KCNK3: variants seen among roughly 807,000 people sequenced by gnomAD.
KCNK3 encodes the protein potassium channel subfamily K member 3.
A neutral mutation model predicts 27.3 loss-of-function variants in KCNK3; 9 were observed. The observed-to-expected ratio is 0.33, with a 90% CI of 0.20 to 0.57. The LOEUF (loss-of-function observed/expected upper bound fraction) is 0.57. Among genes scored for constraint, KCNK3 ranks in the 20% least tolerant of loss-of-function variants. The pLI is 0.87. For missense variants in KCNK3, 391 were observed against 577.7 expected, an observed-to-expected ratio of 0.68 and a Z score of 3.31; for synonymous variants, 278 against 273.8, an observed-to-expected ratio of 1.02 and a Z score of -0.15.
At chr2:26,702,193 TCTCA>T (rs1436726228) in intron 1 of KCNK3, among the ~76,000 whole-genome samples, 1 of 152,160 alleles carries the variant, frequency 6.6e-6, no homozygotes, top group Non-Finnish European at 1.5e-5. Context: ...ATAGCCATCT[TCTCA>T]CTGTGTCCTC....
chr2:26,728,918 G>C lies in KCNK3; in HGVS notation c.*350G>C, dbSNP rs1317702105. Reference sequence around the variant, plus strand: ...TACCCAGACCCCCACCTTCGGAGGGGACTTCATGTTCCGTGTACGTTTGCA... The same window carrying C: ...TACCCAGACCCCCACCTTCGGAGGGCACTTCATGTTCCGTGTACGTTTGCA... On this transcript the variant is annotated 3_prime_UTR_variant, in exon 2 of 2. Coordinates refer to ENST00000302909, the MANE Select transcript of KCNK3 (RefSeq NM_002246.3). 1 of 249,482 alleles carries C rather than the reference G, an allele frequency of 4.0e-6. No individual in the cohort carries two copies. Among genetic ancestry groups the C allele is most frequent in the African/African-American group, 2.2e-5 (1 of 44,996 alleles). 15.5% of individuals were successfully genotyped at this position (249,482 alleles called of 1,614,324 possible).
chr2:26,710,828 T>C (rs1663098148), intron 1 of KCNK3, among the ~76,000 whole-genome samples: 1 of 151,964 alleles, frequency 6.6e-6, no homozygotes, highest in South Asian at 2.1e-4. Flanking sequence ...ACCACGGAGG[T>C]CCAGCCGCTC....
chr2:26,699,207 GAGAA>G (rs1553384397), intron 1 of KCNK3, among the ~76,000 whole-genome samples: 14,439 of 130,880 alleles, frequency 0.11, 864 homozygotes, highest in Admixed American at 0.14. Flanking sequence ...AGGAAAGAGA[GAGAA>G]AGAAAGAAAG....
At chr2:26,723,168 A>G (rs1409091650) in intron 1 of KCNK3, among the ~76,000 whole-genome samples, 2 of 152,214 alleles carry the variant, frequency 1.3e-5, no homozygotes, top group African/African-American at 4.8e-5. Context: ...GGCCATGACC[A>G]AGGGCTCAGA....
chr2:26,711,259 T>A (rs895650904), intron 1 of KCNK3, among the ~76,000 whole-genome samples: 1 of 152,192 alleles, frequency 6.6e-6, no homozygotes, highest in Non-Finnish European at 1.5e-5. Flanking sequence ...GTGGGATGAA[T>A]GAAAGTGACA....
rs576826493 is a variant in KCNK3, at chr2:26,697,377, T to C, written c.283+4219T>C. On this transcript the variant is annotated intron_variant, in intron 1 of 1. Transcript: ENST00000302909. ...AAAATTAGCCAGGCATGGTGGTTCA[T>C]GCCTGTAGTCCCAGCTACTCAGGAG... 2.6e-5 allele frequency among the ~76,000 whole-genome samples: 4 copies of C among 152,262 alleles called. No homozygotes were observed. In the East Asian group the frequency reaches 5.8e-4, roughly 22 times the overall value.
intron 1 of KCNK3, among the ~76,000 whole-genome samples, chr2:26,699,142 C>A (rs182054544): frequency 3.4e-5 from 5 of 147,350 alleles, no homozygotes; most frequent in Admixed American, 6.8e-5. Flanking sequence ...CGCGCCACTG[C>A]ACCCCAGCCT....
In KCNK3 at chr2:26,693,085, G is replaced by C; in HGVS notation, c.210G>C (p.Lys70Asn). The C allele has an allele frequency of 6.2e-7, 1 of 1,602,646 alleles. No individual in the cohort carries two copies. Among genetic ancestry groups the C allele is most frequent in the Non-Finnish European group, 8.5e-7 (1 of 1,175,684 alleles). The change falls in exon 1 of 2, where the codon AAG becomes AAC. Residue 70 changes from lysine to asparagine, a missense_variant. Around this residue, in one of 4 missense-constraint regions of KCNK3, gnomAD observed 158 missense variants for 267.7 expected, o/e 0.59. Coordinates refer to ENST00000302909, the MANE Select transcript of KCNK3 (RefSeq NM_002246.3). The surrounding 1 kb of genome is among the most constrained non-coding windows in gnomAD (Gnocchi z 5.5). ...TGGAGCGCGTCGTGCTGCGCCTCAA[G>C]CCGCACAAGGCCGGCGTGCAGTGGC... Reference protein sequence around the residue: ...EELERVVLRLKPHKAGVQWRF... With the variant: ...EELERVVLRLNPHKAGVQWRF...
rs746788944 is a variant in KCNK3, at chr2:26,692,959, G to A, written c.84G>A (p.Ala28=). Residue 28 remains alanine (A), a synonymous_variant, in exon 1 of 2, where the codon GCG becomes GCA. Coordinates refer to ENST00000302909, the MANE Select transcript of KCNK3 (RefSeq NM_002246.3). This position sits in a 1 kb window ranked among gnomAD's most constrained non-coding sequence, Gnocchi z 5.6. ...TGGTGGGCGCCGCGGTCTTCGACGC[G>A]CTGGAGTCGGAGCCCGAGCTGATCG... The part of the protein sequence containing the change: ...YLLVGAAVFD[A]LESEPELIER... 2 of 1,560,916 alleles carry A rather than the reference G, an allele frequency of 1.3e-6. No homozygotes were observed. Among genetic ancestry groups the A allele is most frequent in the East Asian group, 4.8e-5 (2 of 41,628 alleles).
chr2:26,732,403 T>C lies in KCNK3; in HGVS notation c.*3835T>C, dbSNP rs1016134499. On this transcript the variant is annotated 3_prime_UTR_variant, in exon 2 of 2. Coordinates refer to ENST00000302909, the MANE Select transcript of KCNK3 (RefSeq NM_002246.3). The stretch of plus-strand genomic sequence containing the variant: ...GGTTTAATACCTGCAGATTGAAATA[T>C]ACTGGAGAAATAAAGAGAGTGGGAG... 8 of 152,250 alleles carry C rather than the reference T, an allele frequency of 5.3e-5. No individual in the cohort carries two copies. Among genetic ancestry groups the C allele is most frequent in the African/African-American group, 1.9e-4 (8 of 41,462 alleles). The allele number at this position is 152,250 out of a possible 1,614,324, so 9.4% of individuals were successfully genotyped here.
In KCNK3 at chr2:26,692,781, A is replaced by T; in HGVS notation, c.-95A>T. ...GGCGCGGAGAGCGGCGAGCGCAGCC[A>T]TGCCCCAGGCCGCCTCCGGGGCAGC... On this transcript the variant is annotated 5_prime_UTR_variant, in exon 1 of 2. It removes an upstream start codon present in the reference 5' UTR. Transcript: ENST00000302909. The surrounding 1 kb of genome is among the most constrained non-coding windows in gnomAD (Gnocchi z 5.6). The T allele has an allele frequency of 1.5e-6, 1 of 659,236 alleles. No homozygotes were observed. Among genetic ancestry groups the T allele is most frequent in the Non-Finnish European group, 1.9e-6 (1 of 534,130 alleles). 40.8% of individuals were successfully genotyped at this position (659,236 alleles called of 1,614,324 possible).
intron 1 of KCNK3, among the ~76,000 whole-genome samples, chr2:26,723,464 T>G (rs1011380369): frequency 6.6e-6 from 1 of 152,226 alleles, no homozygotes; most frequent in African/African-American, 2.4e-5. Flanking sequence ...TTAGGTGGAT[T>G]CTGTGCCTCC....
At chr2:26,724,297 T>C (rs1663372757) in intron 1 of KCNK3, among the ~76,000 whole-genome samples, 2 of 152,236 alleles carry the variant, frequency 1.3e-5, no homozygotes, top group Admixed American at 1.3e-4. Context: ...TTACCACCTC[T>C]GCTGCAACTG....
chr2:26,699,795 C>T (rs564558653), intron 1 of KCNK3, among the ~76,000 whole-genome samples: 1 of 152,320 alleles, frequency 6.6e-6, no homozygotes, highest in Non-Finnish European at 1.5e-5. Context: ...CCACACTGCT[C>T]CAGGACGGCA....
chr2:26,708,571 CG>C (rs1663031640), intron 1 of KCNK3, among the ~76,000 whole-genome samples: 1 of 152,012 alleles, frequency 6.6e-6, no homozygotes, highest in East Asian at 1.9e-4. Context: ...CCCAGCTACT[CG>C]GGAGGCTGAG....
chr2:26,727,890 C>T lies in KCNK3; in HGVS notation c.507C>T (p.Ser169=). Residue 169 remains serine (S), a synonymous_variant, in exon 2 of 2, where the codon AGC becomes AGT. Transcript: ENST00000302909. ...MVLIGFFSCI[S]TLCIGAAAFS... ...TCATCGGCTTCTTCTCGTGCATCAG[C>T]ACGCTGTGCATCGGCGCCGCCGCCT... 1 of 1,614,232 alleles carries T rather than the reference C, an allele frequency of 6.2e-7. No homozygotes were observed. The highest frequency in any genetic ancestry group is 8.5e-7 in the Non-Finnish European group (1 of 1,180,044).
intron 1 of KCNK3, among the ~76,000 whole-genome samples, chr2:26,716,585 A>G (rs1410726056): frequency 2.0e-5 from 3 of 152,052 alleles, no homozygotes; most frequent in African/African-American, 7.2e-5. Context: ...CAGAACAAAG[A>G]GCACGAGCAG....
At position 26,692,918 on chromosome 2, in the gene KCNK3, A is replaced by G; in HGVS notation, c.43A>G (p.Thr15Ala). Residue 15 changes from threonine (T) to alanine (A), a missense_variant, in exon 1 of 2, where the codon ACC becomes GCC. Physicochemically the swap from Thr to Ala is moderately conservative, Grantham distance 58. This residue lies in a region of KCNK3 where 158 missense variants were observed against 267.7 expected (regional missense o/e 0.59). Transcript: ENST00000302909. This position sits in a 1 kb window ranked among gnomAD's most constrained non-coding sequence, Gnocchi z 5.6. ...NVRTLALIVCTFTYLLVGAAV... is the reference protein window; with the variant it reads ...NVRTLALIVCAFTYLLVGAAV... ...GCGCACGCTGGCGCTCATCGTGTGC[A>G]CCTTCACCTACCTGCTGGTGGGCGC... 1 of 1,526,682 alleles carries G rather than the reference A, an allele frequency of 6.6e-7. No individual in the cohort carries two copies. The allele number at this position is 1,526,682 out of a possible 1,614,324, so 94.6% of individuals were successfully genotyped here. A position where few individuals can be genotyped will look rare whatever the true frequency, so the allele number is the denominator to read the frequency against.
In KCNK3 at chr2:26,721,602, G is replaced by A. The variant is rs1401942548; in HGVS notation, c.284-6065G>A. Among the ~76,000 whole-genome samples, 1 of 152,112 alleles carries A rather than the reference G, an allele frequency of 6.6e-6. No homozygotes were observed. The highest frequency in any genetic ancestry group is 1.5e-5 in the Non-Finnish European group (1 of 68,032). On this transcript the variant is annotated intron_variant, in intron 1 of 1. Transcript: ENST00000302909. The surrounding 1 kb of genome is among the most constrained non-coding windows in gnomAD (Gnocchi z 4.3). ...GTGGGCCCTCCCCTGGGTGCCCTCTGAGCCCAGCTGCCCTCTGCCATCCAG... is the reference window on the plus strand; with the variant it reads ...GTGGGCCCTCCCCTGGGTGCCCTCTAAGCCCAGCTGCCCTCTGCCATCCAG...
Sources: gnomAD v4.1 joint callset for allele counts (sites outside exome capture counted in the v4.1 genomes callset) on GRCh38, gnomAD v4.1.1 for gene constraint, gnomAD v4.1.1 regional missense constraint, Gnocchi (gnomAD v3.1) non-coding constraint, MANE v1.5 for transcripts, NCBI Gene and HGNC (gene_info 2026-07-23, HGNC 2026-07-21) for gene names.